Variants in NCOA7 observed in about 807,000 individuals in gnomAD.
NCOA7 encodes 140 kDa estrogen receptor-associated protein.
NCOA7 carries 45 observed loss-of-function variants against 104.3 expected under a neutral mutation model. That is an observed-to-expected ratio of 0.43 (90% CI 0.34 to 0.55). NCOA7 has a LOEUF of 0.55. Ranked by LOEUF, NCOA7 falls within the 20% of genes least tolerant of loss-of-function variation. NCOA7 has a pLI of 0.02. For missense variants in NCOA7, 1,041 were observed against 1,119.7 expected, an observed-to-expected ratio of 0.93 and a Z score of 1.00; for synonymous variants, 398 against 402.3, an observed-to-expected ratio of 0.99 and a Z score of 0.13.
At chr6:125,878,438 C>A in intron 5 of NCOA7, 68 bp downstream of exon 5, 3 of 1,036,826 alleles carry the variant, frequency 2.9e-6, no homozygotes, top group Non-Finnish European at 4.3e-6. Flanking sequence ...GTTTTCAGTG[C>A]CTCACTATTG....
intron 10 of NCOA7, among the ~76,000 whole-genome samples, chr6:125,913,331 C>T (rs747819000): frequency 6.6e-6 from 1 of 152,134 alleles, no homozygotes; most frequent in Non-Finnish European, 1.5e-5. Flanking sequence ...CCTTAAGAGA[C>T]CTCTGTGATT....
intron 1 of NCOA7, among the ~76,000 whole-genome samples, chr6:125,808,785 T>A (rs1043262910): frequency 3.9e-5 from 6 of 152,260 alleles, no homozygotes; most frequent in Admixed American, 1.3e-4. Flanking sequence ...ATTTGCATGT[T>A]CTTTTCTAAG....
intron 1 of NCOA7, among the ~76,000 whole-genome samples, chr6:125,807,688 G>A (rs996017619): frequency 2.0e-5 from 3 of 152,122 alleles, no homozygotes; most frequent in Admixed American, 1.3e-4. Context: ...AAGTACCTAC[G>A]TCTCCAAATG....
At chr6:125,836,057 G>C (rs1176385081) in intron 2 of NCOA7, among the ~76,000 whole-genome samples, 1 of 152,054 alleles carries the variant, frequency 6.6e-6, no homozygotes, top group Non-Finnish European at 1.5e-5. Flanking sequence ...AAATGGAAAA[G>C]GTACAAATTC....
chr6:125,817,288 G>C (rs1426027243), intron 2 of NCOA7, among the ~76,000 whole-genome samples: 1 of 152,200 alleles, frequency 6.6e-6, no homozygotes, highest in Non-Finnish European at 1.5e-5. Context: ...TTGTCTGAGA[G>C]TGCAATTGCT....
In NCOA7 at chr6:125,915,455, G is replaced by C. The variant is rs1439941369; in HGVS notation, c.2219G>C (p.Ser740Thr). ...EELNMIDNFF[S>T]EPTTKSWEII... ...CTGAACATGATTGACAACTTCTTCA[G>C]TGAGCCAACAACCAAGAGCTGGGAG... Residue 740 changes from serine to threonine, a missense_variant, in exon 11 of 16, where the codon AGT becomes ACT. Ser to Thr is a moderately conservative substitution (Grantham distance 58). Around this residue, in one of 2 missense-constraint regions of NCOA7, gnomAD observed 914 missense variants for 942.7 expected, o/e 0.97. Coordinates refer to ENST00000392477, the MANE Select transcript of NCOA7 (RefSeq NM_181782.5). 2 of 1,613,732 alleles carry C rather than the reference G, an allele frequency of 1.2e-6. No individual in the cohort carries two copies. The highest frequency in any genetic ancestry group is 1.7e-6 in the Non-Finnish European group (2 of 1,179,798).
intron 10 of NCOA7, among the ~76,000 whole-genome samples, chr6:125,912,164 T>C (rs1786627118): frequency 6.6e-6 from 1 of 151,896 alleles, no homozygotes; most frequent in African/African-American, 2.4e-5. Context: ...TCATGATAGA[T>C]CTTCAGATGT....
chr6:125,800,207 GT>G (rs1359303205), intron 1 of NCOA7, among the ~76,000 whole-genome samples: 1 of 152,170 alleles, frequency 6.6e-6, no homozygotes, highest in Admixed American at 6.5e-5. Flanking sequence ...TTATAAAAGT[GT>G]TAGAATTTTA....
At chr6:125,787,823 T>A (rs1316396182), upstream of NCOA7, among the ~76,000 whole-genome samples, 1 of 152,256 alleles carries the variant, frequency 6.6e-6, no homozygotes, top group Non-Finnish European at 1.5e-5. Context: ...ATTATTCTAG[T>A]AATACCTTTG....
chr6:125,875,881 T>G (rs1006008098), intron 4 of NCOA7, among the ~76,000 whole-genome samples: 2 of 152,190 alleles, frequency 1.3e-5, no homozygotes, highest in African/African-American at 2.4e-5. Flanking sequence ...GCTAGGTGTG[T>G]GTTCATTACT....
chr6:125,783,548 G>A (rs922044513), intron 1 of NCOA7, among the ~76,000 whole-genome samples: 1 of 151,846 alleles, frequency 6.6e-6, no homozygotes, highest in Non-Finnish European at 1.5e-5. Flanking sequence ...CTGTTTTAGT[G>A]AGTTTTTATT....
intron 2 of NCOA7, among the ~76,000 whole-genome samples, chr6:125,816,822 T>A (rs1777636128): frequency 2.0e-5 from 3 of 152,214 alleles, no homozygotes. Context: ...GTGTATTTAG[T>A]TCCATGCAGT....
At chr6:125,858,641 G>GA (rs1781795921) in intron 3 of NCOA7, among the ~76,000 whole-genome samples, 1 of 150,116 alleles carries the variant, frequency 6.7e-6, no homozygotes, top group Admixed American at 6.6e-5. Context: ...AAAAAAAAAA[G>GA]AAAGAAATGC....
intron 3 of NCOA7, among the ~76,000 whole-genome samples, chr6:125,864,298 C>T (rs1028387656): frequency 7.3e-6 from 1 of 137,282 alleles, no homozygotes; most frequent in African/African-American, 3.0e-5. Context: ...AGTCGGTTGA[C>T]AATAGTTACT....
intron 13 of NCOA7, among the ~76,000 whole-genome samples, chr6:125,925,044 G>A (rs1327433098): frequency 6.6e-6 from 1 of 152,186 alleles, no homozygotes; most frequent in Non-Finnish European, 1.5e-5. Context: ...GGTCTCTCCT[G>A]CTCTCATTTC....
At chr6:125,792,370 C>T (rs890666574) in intron 1 of NCOA7, among the ~76,000 whole-genome samples, 2 of 152,186 alleles carry the variant, frequency 1.3e-5, no homozygotes, top group Admixed American at 6.5e-5. Flanking sequence ...AAGTTCATTT[C>T]ATGTCTAAGC....
chr6:125,869,728 G>A (rs913024511), intron 3 of NCOA7, among the ~76,000 whole-genome samples: 2 of 152,294 alleles, frequency 1.3e-5, no homozygotes, highest in Non-Finnish European at 2.9e-5. Context: ...ACGCAGAACT[G>A]GCTAGATATG....
intron 13 of NCOA7, among the ~76,000 whole-genome samples, chr6:125,926,366 T>C (rs1241657115): frequency 6.6e-6 from 1 of 151,956 alleles, no homozygotes; most frequent in East Asian, 1.9e-4. Context: ...AGAAAATATT[T>C]AAAATTCTAT....
intron 1 of NCOA7, among the ~76,000 whole-genome samples, chr6:125,783,674 A>G (rs1777206): frequency 0.055 from 8,330 of 152,232 alleles, 676 homozygotes; most frequent in African/African-American, 0.18. Context: ...GTCCCTATAC[A>G]TTTTTGAGCA....
Sources: gnomAD v4.1 joint callset for allele counts (sites outside exome capture counted in the v4.1 genomes callset) on GRCh38, gnomAD v4.1.1 for gene constraint, gnomAD v4.1.1 regional missense constraint, MANE v1.5 for transcripts, NCBI Gene and HGNC (gene_info 2026-07-23, HGNC 2026-07-21) for gene names.